CDK19: variants seen among roughly 807,000 people sequenced by gnomAD.
CDK19 encodes the protein cyclin-dependent kinase 19.
A neutral mutation model predicts 68.3 loss-of-function variants in CDK19; 20 were observed. The observed-to-expected ratio is 0.29, with a 90% CI of 0.21 to 0.43. CDK19 has a LOEUF of 0.43. Ranked by LOEUF, CDK19 falls within the 20% of genes least tolerant of loss-of-function variation. The pLI is 1.00. For synonymous variants in CDK19, 221 were observed against 222.8 expected (o/e 0.99, Z 0.07); for missense variants, 339 against 623.5 (o/e 0.54, Z 4.86).
At chr6:110,713,879 T>TA (rs1020711370) in intron 2 of CDK19, among the ~76,000 whole-genome samples, 2 of 152,136 alleles carry the variant, frequency 1.3e-5, no homozygotes, top group African/African-American at 2.4e-5. Context: ...GTTTTAAACT[T>TA]AAAAAAATTT....
intron 2 of CDK19, among the ~76,000 whole-genome samples, chr6:110,740,578 T>A (rs984397482): frequency 2.0e-5 from 3 of 152,222 alleles, no homozygotes; most frequent in African/African-American, 7.2e-5. Flanking sequence ...TTGTACTTCT[T>A]CCAAGTTTAT....
At chr6:110,813,655 C>G (rs1489291561) in intron 1 of CDK19, 1 of 152,106 alleles carries the variant, frequency 6.6e-6, no homozygotes, top group African/African-American at 2.4e-5. Context: ...AATAATAATC[C>G]TTTACACTTG....
intron 2 of CDK19, among the ~76,000 whole-genome samples, chr6:110,736,207 G>A (rs941544883): frequency 2.6e-5 from 4 of 152,174 alleles, no homozygotes; most frequent in Admixed American, 2.6e-4. Context: ...TGGGCGTGCT[G>A]GCGCATGCCT....
intron 2 of CDK19, among the ~76,000 whole-genome samples, chr6:110,696,720 G>C (rs139729020): frequency 6.6e-6 from 1 of 152,010 alleles, no homozygotes; most frequent in Non-Finnish European, 1.5e-5. Context: ...CCAGGATTTC[G>C]AGACCAGCCT....
In CDK19 at chr6:110,815,196, C is replaced by T. The variant is rs1228822692; in HGVS notation, c.-60G>A. The stretch of plus-strand genomic sequence containing the variant: ...GGCCGCCGCCGCTCAGTCCCTCCTC[C>T]TCCTCCCCCCGCGACCGCCGCTCCA... On this transcript the variant is annotated 5_prime_UTR_variant, in exon 1 of 13. Coordinates refer to ENST00000368911, the MANE Select transcript of CDK19 (RefSeq NM_015076.5). 2.0e-6 allele frequency: 3 copies of T among 1,481,528 alleles called. No homozygotes were observed. The highest frequency in any genetic ancestry group is 1.4e-5 in the African/African-American group (1 of 69,090). The allele number at this position is 1,481,528 out of a possible 1,614,324, so 91.8% of individuals were successfully genotyped here. A position where few individuals can be genotyped will look rare whatever the true frequency, so the allele number is the denominator to read the frequency against.
chr6:110,636,179 A>C (rs1779766087), intron 5 of CDK19, among the ~76,000 whole-genome samples: 1 of 152,212 alleles, frequency 6.6e-6, no homozygotes, highest in Admixed American at 6.5e-5. Context: ...AACAAGGGGA[A>C]TACAAGATGA....
Position 110,815,249 on chromosome 6 carries a change from G to A in CDK19, c.-113C>T. ...TCTCCAACAGCCGCCTCTCGCGCGC[G>A]CGCGCGCGCCGCCCGCCGCCCGCCG... On this transcript the variant is annotated 5_prime_UTR_variant, in exon 1 of 13. Transcript: ENST00000368911. 2.5e-6 allele frequency: 3 copies of A among 1,220,232 alleles called. No individual in the cohort carries two copies. Among genetic ancestry groups the A allele is most frequent in the Non-Finnish European group, 3.1e-6 (3 of 962,330 alleles). The allele number at this position is 1,220,232 out of a possible 1,614,324, so 75.6% of individuals were successfully genotyped here. A position where few individuals can be genotyped will look rare whatever the true frequency, so the allele number is the denominator to read the frequency against.
intron 1 of CDK19, among the ~76,000 whole-genome samples, chr6:110,790,458 C>T (rs1264657134): frequency 6.6e-6 from 1 of 152,148 alleles, no homozygotes; most frequent in African/African-American, 2.4e-5. Flanking sequence ...ACACTTGAAA[C>T]TGGGAGGCAG....
chr6:110,717,103 G>A (rs545525900), intron 2 of CDK19, among the ~76,000 whole-genome samples: 12 of 152,204 alleles, frequency 7.9e-5, no homozygotes, highest in South Asian at 2.1e-4. Context: ...ACTTCAGCCT[G>A]GGCAACAGAG....
At chr6:110,630,419 C>T (rs190014982) in intron 6 of CDK19, among the ~76,000 whole-genome samples, 2 of 152,340 alleles carry the variant, frequency 1.3e-5, no homozygotes, top group Admixed American at 1.3e-4. Context: ...TCAGTCTCTT[C>T]CTATCCTCTG....
chr6:110,687,131 T>G (rs990370372), intron 2 of CDK19, among the ~76,000 whole-genome samples: 4 of 152,214 alleles, frequency 2.6e-5, no homozygotes, highest in Non-Finnish European at 5.9e-5. Context: ...AATTCATACC[T>G]TTCTCTACCT....
intron 2 of CDK19, among the ~76,000 whole-genome samples, chr6:110,698,407 T>A (rs1773677827): frequency 6.6e-6 from 1 of 150,856 alleles, no homozygotes; most frequent in South Asian, 2.1e-4. Flanking sequence ...ATGAAAAAAA[T>A]GCTCAACATC....
rs1408108118 is a variant in CDK19, at chr6:110,757,869, A to G, written c.129-11668T>C. On this transcript the variant is annotated intron_variant, in intron 1 of 12. Coordinates refer to ENST00000368911, the MANE Select transcript of CDK19 (RefSeq NM_015076.5). The stretch of plus-strand genomic sequence containing the variant: ...TTTTCTTAATAACAAAATTGAAGAG[A>G]GAAATAACGAATAAGCAGCAGTTAA... Among the ~76,000 whole-genome samples, 4 of 152,168 alleles carry G rather than the reference A, an allele frequency of 2.6e-5. No individual in the cohort carries two copies. In the South Asian group the frequency reaches 6.2e-4, roughly 24 times the overall value.
chr6:110,726,027 A>G (rs1776289458), intron 2 of CDK19, among the ~76,000 whole-genome samples: 1 of 152,066 alleles, frequency 6.6e-6, no homozygotes, highest in African/African-American at 2.4e-5. Flanking sequence ...ATAAGAAACT[A>G]GTAGGGTGTT....
chr6:110,804,061 T>C (rs746319561), intron 1 of CDK19, among the ~76,000 whole-genome samples: 22 of 152,182 alleles, frequency 1.4e-4, no homozygotes, highest in Non-Finnish European at 2.6e-4. Context: ...AACCATGGAC[T>C]TACCTTTCTG....
At position 110,787,243 on chromosome 6, in the gene CDK19, G is replaced by A. The variant is rs559537976; in HGVS notation, c.128+27766C>T. ...ATAAAAATTAGCTGGGCATGGTGGT[G>A]CATGTTTGTAATCCCAGCTACTTGG... On this transcript the variant is annotated intron_variant, in intron 1 of 12. Transcript: ENST00000368911. 3.0e-4 allele frequency among the ~76,000 whole-genome samples: 45 copies of A among 152,166 alleles called. 1 individual carries two copies. The highest frequency in any genetic ancestry group is 5.9e-4 in the Non-Finnish European group (40 of 67,996).
intron 2 of CDK19, chr6:110,706,770 A>G (rs998419954): frequency 3.4e-5 from 6 of 178,416 alleles, no homozygotes; most frequent in South Asian, 1.3e-4. Context: ...ATTGTGGGAC[A>G]CTCCTGTTTG....
rs1431056919 is a variant in CDK19 at position 110,612,507 on chromosome 6, G to A, written c.*2028C>T. The A allele has an allele frequency of 6.6e-6, 1 of 152,338 alleles. No individual in the cohort carries two copies. 9.4% of individuals were successfully genotyped at this position (152,338 alleles called of 1,614,324 possible). A position where few individuals can be genotyped will look rare whatever the true frequency, so the allele number is the denominator to read the frequency against. ...TCACATGGCACAGACATCCCAGGAG[G>A]GCTTACTGTCACAGATCACAAGCTC... On this transcript the variant is annotated 3_prime_UTR_variant, in exon 13 of 13. Transcript: ENST00000368911.
intron 2 of CDK19, among the ~76,000 whole-genome samples, chr6:110,688,197 C>T (rs1425815041): frequency 2.6e-5 from 4 of 152,006 alleles, no homozygotes; most frequent in African/African-American, 9.7e-5. Flanking sequence ...ACCAGCCTGG[C>T]TAACATGGCG....
Sources: allele counts gnomAD v4.1 joint callset (sites outside exome capture counted in the v4.1 genomes callset), GRCh38; gene constraint gnomAD v4.1.1; transcripts MANE v1.5; gene names NCBI Gene and HGNC (gene_info 2026-07-23, HGNC 2026-07-21).